Variants in WDR33 observed in about 807,000 individuals in gnomAD.
WDR33 encodes the protein pre-mRNA 3' end processing protein WDR33.
Under a neutral mutation model 164.9 loss-of-function variants are expected in WDR33, and 47 were observed. The ratio of observed to expected loss-of-function variants is 0.29; its 90% CI spans 0.23 to 0.36. The LOEUF (loss-of-function observed/expected upper bound fraction) is 0.36, where lower values mean the gene tolerates loss of function less well. Among genes scored for constraint, WDR33 ranks in the 10% least tolerant of loss-of-function variants. WDR33 has a pLI of 1.00. For synonymous variants in WDR33, 505 were observed against 589.0 expected (o/e 0.86, Z 2.06); for missense variants, 1,137 against 1,754.1 (o/e 0.65, Z 6.28).
chr2:127,725,240 A>G, intron 8 of WDR33, 25 bp from the exon 9 acceptor site: 1 of 1,573,142 alleles, frequency 6.4e-7, no homozygotes. Context: ...TCAAAAAAAA[A>G]TGTCAGAATT....
At chr2:127,742,763 A>C (rs1415369616) in intron 7 of WDR33, among the ~76,000 whole-genome samples, 1 of 151,784 alleles carries the variant, frequency 6.6e-6, no homozygotes, top group Non-Finnish European at 1.5e-5. Flanking sequence ...CAATCATCAA[A>C]GAAAGAAAAA....
In WDR33 at chr2:127,708,111, G is replaced by A. The variant is rs1334302091; in HGVS notation, c.3781+566C>T. Among the ~76,000 whole-genome samples, 2 of 152,210 alleles carry A rather than the reference G, an allele frequency of 1.3e-5. No individual in the cohort carries two copies. Among genetic ancestry groups the A allele is most frequent in the Non-Finnish European group, 2.9e-5 (2 of 68,036 alleles). ...CCTCCCCCGCTGCCTTGCAACCAGAGTTGTATAGTCAGCCTTCAGAGGCAA... is the reference window on the plus strand; with the variant it reads ...CCTCCCCCGCTGCCTTGCAACCAGAATTGTATAGTCAGCCTTCAGAGGCAA... On this transcript the variant is annotated intron_variant, in intron 21 of 21. Transcript: ENST00000322313. The surrounding 1 kb of genome is among the most constrained non-coding windows in gnomAD (Gnocchi z 6.7).
chr2:127,722,890 T>C lies in WDR33; in HGVS notation c.1378+68A>G, dbSNP rs1686474007. 6.8e-7 allele frequency: 1 copy of C among 1,462,652 alleles called. No individual in the cohort carries two copies. Among genetic ancestry groups the C allele is most frequent in the Non-Finnish European group, 9.3e-7 (1 of 1,080,484 alleles). 90.6% of individuals were successfully genotyped at this position (1,462,652 alleles called of 1,614,324 possible). ...AATCATTTTGGTATTTCAATATATT[T>C]ATCAGGAACATAAACGGGTCAAGAA... On this transcript the variant is annotated intron_variant, in intron 13 of 21. Coordinates refer to ENST00000322313, the MANE Select transcript of WDR33 (RefSeq NM_018383.5). This position sits in a 1 kb window ranked among gnomAD's most constrained non-coding sequence, Gnocchi z 5.1.
chr2:127,778,819 C>T (rs1416762191), intron 1 of WDR33, among the ~76,000 whole-genome samples: 3 of 152,148 alleles, frequency 2.0e-5, no homozygotes, highest in Admixed American at 2.0e-4. Context: ...TTTTCCCCAA[C>T]CAAACATAAT....
chr2:127,717,367 T>C lies in WDR33; in HGVS notation c.2761-104A>G, dbSNP rs570646165. The C allele has an allele frequency of 1.1e-6, 1 of 902,760 alleles. No individual in the cohort carries two copies. Among genetic ancestry groups the C allele is most frequent in the Admixed American group, 3.5e-5 (1 of 28,300 alleles). The allele number at this position is 902,760 out of a possible 1,614,324, so 55.9% of individuals were successfully genotyped here. On this transcript the variant is annotated intron_variant, in intron 16 of 21. Transcript: ENST00000322313. The surrounding 1 kb of genome is among the most constrained non-coding windows in gnomAD (Gnocchi z 5.6). ...AAGATAAAAATACCCAGTAAATATT[T>C]ACCTAGTAAGATTACAGTAACATTG...
chr2:127,785,107 G>T (rs922407164), intron 1 of WDR33, among the ~76,000 whole-genome samples: 2 of 152,122 alleles, frequency 1.3e-5, no homozygotes, highest in African/African-American at 4.8e-5. Flanking sequence ...TATTTGTCGT[G>T]TACCCAGGTA....
chr2:127,769,062 C>A, intron 2 of WDR33, 61 bp from the exon 3 acceptor site: 1 of 971,690 alleles, frequency 1.0e-6, no homozygotes, highest in South Asian at 3.0e-5. Flanking sequence ...ACTATATGGT[C>A]TGATTATACT....
chr2:127,785,605 G>C (rs576906829), intron 1 of WDR33, among the ~76,000 whole-genome samples: 1 of 152,094 alleles, frequency 6.6e-6, no homozygotes, highest in Non-Finnish European at 1.5e-5. Context: ...CTTTTACTTA[G>C]CAATATGCAT....
At position 127,763,113 on chromosome 2, in the gene WDR33, T is replaced by C. The variant is rs764706243; in HGVS notation, c.673A>G (p.Thr225Ala). The C allele has an allele frequency of 6.2e-7, 1 of 1,614,130 alleles. No individual in the cohort carries two copies. The highest frequency in any genetic ancestry group is 8.5e-7 in the Non-Finnish European group (1 of 1,179,956). Residue 225 changes from threonine (T) to alanine (A), a missense_variant, in exon 7 of 22, where the codon ACT becomes GCT. By Grantham distance (58) the Thr-to-Ala change is moderately conservative (BLOSUM62 0). Transcript: ENST00000322313. This position sits in a 1 kb window ranked among gnomAD's most constrained non-coding sequence, Gnocchi z 4.5. Reference sequence around the variant, plus strand: ...CGAAGAAAGTCCCAGATTCTAACAGTGCCGTCATCAGAGCATGTAGCAAAT... The same window carrying C: ...CGAAGAAAGTCCCAGATTCTAACAGCGCCGTCATCAGAGCATGTAGCAAAT... ...NKFATCSDDGTVRIWDFLRCH... is the reference protein window; with the variant it reads ...NKFATCSDDGAVRIWDFLRCH...
At chr2:127,740,346 TACACAC>T (rs71307275) in intron 7 of WDR33, among the ~76,000 whole-genome samples, 29 of 149,798 alleles carry the variant, frequency 1.9e-4, no homozygotes, top group Admixed American at 6.0e-4. Context: ...TGTATTTCTC[TACACAC>T]ACACACACAC....
chr2:127,788,454 CGGCTGGCCGGGCGGGG>C (rs1688695351), intron 1 of WDR33, among the ~76,000 whole-genome samples: 1 of 120,172 alleles, frequency 8.3e-6, no homozygotes, highest in Admixed American at 7.7e-5. Context: ...CCGGACGGGG[CGGCTGGCCGGGCGGGG>C]GGCTGACACC....
Position 127,764,769 on chromosome 2 carries a change from T to TA in WDR33, c.626+58dup, listed in dbSNP as rs773506801. On this transcript the variant is annotated intron_variant, in intron 6 of 21. Transcript: ENST00000322313. This position sits in a 1 kb window ranked among gnomAD's most constrained non-coding sequence, Gnocchi z 6.2. ...TGCATCTCTGCACCCAGAATACACT[T>TA]AGAGAATAATTTAACCATGACAATA... The TA allele has an allele frequency of 1.4e-5, 23 of 1,614,090 alleles. No homozygotes were observed. In the Admixed American group the frequency reaches 3.8e-4, roughly 27 times the overall value.
chr2:127,804,910 T>C (rs535876869), intron 1 of WDR33, among the ~76,000 whole-genome samples: 1 of 152,228 alleles, frequency 6.6e-6, no homozygotes, highest in East Asian at 1.9e-4. Flanking sequence ...AATATACCTC[T>C]TTGATGAAGA....
At chr2:127,788,494 C>A (rs1229707574) in intron 1 of WDR33, among the ~76,000 whole-genome samples, 4 of 129,314 alleles carry the variant, frequency 3.1e-5, no homozygotes, top group Admixed American at 7.1e-5. Flanking sequence ...ACCTCCCTCC[C>A]GGACGGGGCG....
rs1686919955 is a variant in WDR33, at chr2:127,738,509, T to C, written c.725-11732A>G. On this transcript the variant is annotated intron_variant, in intron 7 of 21. Coordinates refer to ENST00000322313, the MANE Select transcript of WDR33 (RefSeq NM_018383.5). This position sits in a 1 kb window ranked among gnomAD's most constrained non-coding sequence, Gnocchi z 4.4. ...TGACTTCATTCCAAAGAGTACAGTATGAAAAGTGGGAAATAAGAGTAGCTG... is the reference window on the plus strand; with the variant it reads ...TGACTTCATTCCAAAGAGTACAGTACGAAAAGTGGGAAATAAGAGTAGCTG... 6.6e-6 allele frequency among the ~76,000 whole-genome samples: 1 copy of C among 152,128 alleles called. No individual in the cohort carries two copies.
Position 127,701,693 on chromosome 2 carries a change from G to C in WDR33, c.*4630C>G, listed in dbSNP as rs1685885705. Reference sequence around the variant, plus strand: ...CGGGCTTGCGCTGGACGTGGGCGCGGAGCCCTGCGGAGTCGGCAGCGGCCG... The same window carrying C: ...CGGGCTTGCGCTGGACGTGGGCGCGCAGCCCTGCGGAGTCGGCAGCGGCCG... On this transcript the variant is annotated 3_prime_UTR_variant, in exon 22 of 22. Transcript: ENST00000322313. 2 of 1,302,470 alleles carry C rather than the reference G, an allele frequency of 1.5e-6. No individual in the cohort carries two copies. The highest frequency in any genetic ancestry group is 2.2e-5 in the South Asian group (1 of 45,376). 80.7% of individuals were successfully genotyped at this position (1,302,470 alleles called of 1,614,324 possible).
Position 127,763,350 on chromosome 2 carries a change from G to T in WDR33, c.627-191C>A, listed in dbSNP as rs2105433739. ...CTCATCAAAAGAAGACTTCAACAGA[G>T]CAGTTGTTTGAGTTTTCAATCATCA... On this transcript the variant is annotated intron_variant, in intron 6 of 21. Coordinates refer to ENST00000322313, the MANE Select transcript of WDR33 (RefSeq NM_018383.5). This position sits in a 1 kb window ranked among gnomAD's most constrained non-coding sequence, Gnocchi z 4.5. 2 of 1,406,464 alleles carry T rather than the reference G, an allele frequency of 1.4e-6. No homozygotes were observed. Among genetic ancestry groups the T allele is most frequent in the Non-Finnish European group, 1.8e-6 (2 of 1,081,244 alleles). The allele number at this position is 1,406,464 out of a possible 1,614,324, so 87.1% of individuals were successfully genotyped here.
At chr2:127,798,541 A>T (rs980252269) in intron 1 of WDR33, among the ~76,000 whole-genome samples, 1 of 152,098 alleles carries the variant, frequency 6.6e-6, no homozygotes, top group Non-Finnish European at 1.5e-5. Flanking sequence ...TCTTGATTTC[A>T]GAACTATGGT....
intron 18 of WDR33, among the ~76,000 whole-genome samples, chr2:127,711,631 C>T (rs1354417901): frequency 6.7e-6 from 1 of 149,448 alleles, no homozygotes; most frequent in African/African-American, 2.5e-5. Context: ...TATCTCCCCT[C>T]CCCCAAAACA....
Sources: gnomAD v4.1 joint callset for allele counts (sites outside exome capture counted in the v4.1 genomes callset) on GRCh38, gnomAD v4.1.1 for gene constraint, Gnocchi (gnomAD v3.1) non-coding constraint, MANE v1.5 for transcripts, NCBI Gene and HGNC (gene_info 2026-07-23, HGNC 2026-07-21) for gene names.